The following LRRTM4 variants were observed in gnomAD, a reference collection of about 807,000 sequenced individuals.
The protein encoded by LRRTM4 is leucine rich repeat transmembrane neuronal 4, also known as leucine-rich repeat transmembrane neuronal protein 4.
A neutral mutation model predicts 47.6 loss-of-function variants in LRRTM4; 25 were observed. That is an observed-to-expected ratio of 0.53 (90% CI 0.38 to 0.73). LRRTM4 has a LOEUF of 0.73. LRRTM4 is among the 30% of genes least tolerant of loss of function. LRRTM4 has a pLI of 0.00. For synonymous variants in LRRTM4, 311 were observed against 269.5 expected, an observed-to-expected ratio of 1.15 and a Z score of -1.51; for missense variants, 638 against 713.4, an observed-to-expected ratio of 0.89 and a Z score of 1.20.
At chr2:77,012,926 G>C (rs141061256) in intron 3 of LRRTM4, among the ~76,000 whole-genome samples, 2 of 152,272 alleles carry the variant, frequency 1.3e-5, no homozygotes, top group African/African-American at 2.4e-5. Flanking sequence ...GATGTATTAA[G>C]TGACTGTAGG....
intron 3 of LRRTM4, among the ~76,000 whole-genome samples, chr2:77,304,836 T>G (rs150988733): frequency 6.6e-6 from 1 of 152,118 alleles, no homozygotes; most frequent in Non-Finnish European, 1.5e-5. Context: ...ATTACCTTTT[T>G]TGGGATCACA....
intron 3 of LRRTM4, among the ~76,000 whole-genome samples, chr2:77,086,607 G>T (rs756466598): frequency 1.3e-5 from 2 of 151,498 alleles, no homozygotes; most frequent in Non-Finnish European, 2.9e-5. Flanking sequence ...CTCCTGAGTA[G>T]CTAGGATTAC....
chr2:77,319,392 A>C (rs1166900867), intron 3 of LRRTM4, among the ~76,000 whole-genome samples: 1 of 143,402 alleles, frequency 7.0e-6, no homozygotes, highest in Non-Finnish European at 1.5e-5. Context: ...CACATCAAAG[A>C]AAAAAAAAAA....
At chr2:77,295,683 G>C (rs1676952916) in intron 3 of LRRTM4, among the ~76,000 whole-genome samples, 1 of 152,094 alleles carries the variant, frequency 6.6e-6, no homozygotes, top group Non-Finnish European at 1.5e-5. Flanking sequence ...ACCTAGCCCA[G>C]GCCTCTCCCA....
chr2:76,748,353 C>A lies in LRRTM4; in HGVS notation c.*342G>T, dbSNP rs2104042801. 4.2e-6 allele frequency: 1 copy of A among 240,364 alleles called. No homozygotes were observed. The highest frequency in any genetic ancestry group is 5.8e-5 in the South Asian group (1 of 17,138). 14.9% of individuals were successfully genotyped at this position (240,364 alleles called of 1,614,324 possible). On this transcript the variant is annotated 3_prime_UTR_variant, in exon 4 of 4. Coordinates refer to ENST00000409884, the MANE Select transcript of LRRTM4 (RefSeq NM_001134745.3). ...GTGGTTCTCCAGCCCAGGAACCATG[C>A]AGTGTAGAAAAATCAAATATACAAA...
intron 3 of LRRTM4, among the ~76,000 whole-genome samples, chr2:77,310,148 G>A (rs1677411432): frequency 6.6e-6 from 1 of 152,072 alleles, no homozygotes. Context: ...AACTATATAT[G>A]CTAAGCTCAT....
chr2:76,827,339 T>C (rs75184682), intron 3 of LRRTM4, among the ~76,000 whole-genome samples: 6,900 of 151,802 alleles, frequency 0.045, 508 homozygotes, highest in African/African-American at 0.14. Flanking sequence ...AAGAGAAGGG[T>C]CAAACGCCAG....
intron 3 of LRRTM4, among the ~76,000 whole-genome samples, chr2:77,031,751 G>C (rs934119279): frequency 6.6e-6 from 1 of 152,062 alleles, no homozygotes; most frequent in East Asian, 1.9e-4. Flanking sequence ...GCGTGTGTGT[G>C]ACAGAGAGAG....
At chr2:77,076,423 C>CCT (rs11435198) in intron 3 of LRRTM4, among the ~76,000 whole-genome samples, 51,939 of 151,822 alleles carry the variant, frequency 0.34, 10,164 homozygotes, top group East Asian at 0.64. Context: ...AGTTTCAGCC[C>CCT]GTTACTCCCC....
At chr2:76,782,966 G>T (rs1336350530) in intron 3 of LRRTM4, among the ~76,000 whole-genome samples, 1 of 151,974 alleles carries the variant, frequency 6.6e-6, no homozygotes, top group Non-Finnish European at 1.5e-5. Flanking sequence ...AAAGATTGTA[G>T]ATTTCTTAAA....
chr2:76,909,082 G>A (rs1459435143), intron 3 of LRRTM4, among the ~76,000 whole-genome samples: 1 of 151,910 alleles, frequency 6.6e-6, no homozygotes, highest in African/African-American at 2.4e-5. Context: ...CACACTACCT[G>A]ACTTCAAACT....
chr2:77,445,887 C>T (rs765236309), intron 3 of LRRTM4, among the ~76,000 whole-genome samples: 1 of 151,698 alleles, frequency 6.6e-6, no homozygotes, highest in Non-Finnish European at 1.5e-5. Context: ...GTAAAACCTG[C>T]AAAAATAGTC....
At chr2:77,521,931 A>G in intron 1 of LRRTM4, 113 bp from the exon 2 acceptor site, 1 of 514,966 alleles carries the variant, frequency 1.9e-6, no homozygotes, top group Non-Finnish European at 3.5e-6. Context: ...GGCAGGGAAA[A>G]GGAAGCCGTT....
chr2:77,070,497 A>C (rs1479029613), intron 3 of LRRTM4, among the ~76,000 whole-genome samples: 14 of 145,612 alleles, frequency 9.6e-5, no homozygotes, highest in African/African-American at 3.7e-4. Flanking sequence ...AGCAAACTAA[A>C]ATATTATTAT....
intron 3 of LRRTM4, among the ~76,000 whole-genome samples, chr2:76,803,429 TAAGA>T (rs1675806657): frequency 6.6e-6 from 1 of 152,058 alleles, no homozygotes; most frequent in African/African-American, 2.4e-5. Context: ...ATGGCTATTA[TAAGA>T]AAGACAAAAA....
chr2:76,786,937 G>GA (rs1252787379), intron 3 of LRRTM4, among the ~76,000 whole-genome samples: 1 of 151,986 alleles, frequency 6.6e-6, no homozygotes, highest in African/African-American at 2.4e-5. Flanking sequence ...TGAACACAAT[G>GA]AAAAGCTGTT....
At chr2:76,851,777 A>G (rs1017527763) in intron 3 of LRRTM4, among the ~76,000 whole-genome samples, 2 of 62,066 alleles carry the variant, frequency 3.2e-5, no homozygotes, top group African/African-American at 1.2e-4. Flanking sequence ...TTTTTTTTTG[A>G]CATTCTCTTT....
At position 77,519,932 on chromosome 2, in the gene LRRTM4, A is replaced by C. The variant is rs768549680; in HGVS notation, c.5-68T>G. The C allele has an allele frequency of 2.4e-5, 35 of 1,472,526 alleles. No homozygotes were observed. The highest frequency in any genetic ancestry group is 3.1e-5 in the Non-Finnish European group (34 of 1,112,300). 91.2% of individuals were successfully genotyped at this position (1,472,526 alleles called of 1,614,324 possible). ...TAAAATAAATCACCGTCGGTTTACCAACAACAGGGGCATTTCCTCTAGTGT... is the reference window on the plus strand; with the variant it reads ...TAAAATAAATCACCGTCGGTTTACCCACAACAGGGGCATTTCCTCTAGTGT... On this transcript the variant is annotated intron_variant, in intron 2 of 3. Coordinates refer to ENST00000409884, the MANE Select transcript of LRRTM4 (RefSeq NM_001134745.3). This position sits in a 1 kb window ranked among gnomAD's most constrained non-coding sequence, Gnocchi z 4.6.
At position 77,269,316 on chromosome 2, in the gene LRRTM4, G is replaced by T. The variant is rs144822808; in HGVS notation, c.1551+249002C>A. Among the ~76,000 whole-genome samples, 54 of 152,140 alleles carry T rather than the reference G, an allele frequency of 3.5e-4. 1 individual carries two copies. The South Asian group carries it at 5.6e-3, about 16-fold the overall frequency. On this transcript the variant is annotated intron_variant, in intron 3 of 3. Transcript: ENST00000409884. Reference sequence around the variant, plus strand: ...TTACACAATAGGAGGGCCTGGAGCTGGTTAGATTGACTCATAAATGTTCAA... The same window carrying T: ...TTACACAATAGGAGGGCCTGGAGCTTGTTAGATTGACTCATAAATGTTCAA...
Sources: allele counts gnomAD v4.1 joint callset (sites outside exome capture counted in the v4.1 genomes callset), GRCh38; gene constraint gnomAD v4.1.1; non-coding constraint Gnocchi (gnomAD v3.1); transcripts MANE v1.5; gene names NCBI Gene and HGNC (gene_info 2026-07-23, HGNC 2026-07-21).